The following GALNT13 variants were observed in gnomAD, a reference collection of about 807,000 sequenced individuals.
GALNT13 encodes polypeptide N-acetylgalactosaminyltransferase 13, also known as UDP-GalNAc:polypeptide N-acetylgalactosaminyltransferase 13.
Under a neutral mutation model 64.2 loss-of-function variants are expected in GALNT13, and 28 were observed. The observed-to-expected ratio is 0.44, with a 90% CI of 0.32 to 0.60. The LOEUF is 0.60. Among genes scored for constraint, GALNT13 ranks in the 20% least tolerant of loss-of-function variants. The pLI is 0.05. For synonymous variants in GALNT13, 214 were observed against 224.6 expected, an observed-to-expected ratio of 0.95 and a Z score of 0.42; for missense variants, 577 against 669.8, an observed-to-expected ratio of 0.86 and a Z score of 1.53.
At chr2:154,074,839 TA>T (rs1162101333) in intron 3 of GALNT13, among the ~76,000 whole-genome samples, 1 of 151,788 alleles carries the variant, frequency 6.6e-6, no homozygotes, top group East Asian at 1.9e-4. Context: ...AGTCCTTTGA[TA>T]AAATTCAACA....
intron 9 of GALNT13, among the ~76,000 whole-genome samples, chr2:154,349,924 C>G (rs1696296135): frequency 1.3e-5 from 2 of 152,168 alleles, no homozygotes; most frequent in South Asian, 4.1e-4. Flanking sequence ...GTGGAAGTAT[C>G]AGGAATCTAG....
At chr2:154,377,426 C>T (rs1004324149) in intron 9 of GALNT13, among the ~76,000 whole-genome samples, 10 of 152,000 alleles carry the variant, frequency 6.6e-5, no homozygotes, top group African/African-American at 1.9e-4. Context: ...AGAAGGCAGG[C>T]AGGTAGGAAG....
chr2:154,120,786 T>G (rs1379100224), intron 3 of GALNT13, among the ~76,000 whole-genome samples: 1 of 152,112 alleles, frequency 6.6e-6, no homozygotes, highest in Admixed American at 6.5e-5. Context: ...ACTAGGTCAG[T>G]TTTTTAAGTG....
At chr2:153,564,429 T>C in the GALNT13 span, among the ~76,000 whole-genome samples, 1 of 152,156 alleles carries the variant, frequency 6.6e-6, no homozygotes, top group East Asian at 1.9e-4. Flanking sequence ...AAAATTTTCA[T>C]TATGAATTTA....
At chr2:154,400,560 T>C (rs1203401686) in intron 10 of GALNT13, among the ~76,000 whole-genome samples, 1 of 152,224 alleles carries the variant, frequency 6.6e-6, no homozygotes, top group Non-Finnish European at 1.5e-5. Context: ...TCAATAGTTA[T>C]TGATATCAGA....
the GALNT13 span, among the ~76,000 whole-genome samples, chr2:153,540,426 G>T: frequency 3.3e-5 from 5 of 152,208 alleles, no homozygotes; most frequent in Non-Finnish European, 7.3e-5. Flanking sequence ...ACCTCTACTA[G>T]GGCAATGAAG....
At chr2:154,378,534 GT>G in intron 9 of GALNT13, among the ~76,000 whole-genome samples, 1 of 152,190 alleles carries the variant, frequency 6.6e-6, no homozygotes, top group African/African-American at 2.4e-5. Context: ...TTCTGCCTAT[GT>G]TTAACAATGC....
At chr2:153,679,374 G>T in the GALNT13 span, among the ~76,000 whole-genome samples, 1 of 152,046 alleles carries the variant, frequency 6.6e-6, no homozygotes, top group East Asian at 1.9e-4. Context: ...TTAATAAAGA[G>T]AATTCTGGAC....
chr2:154,247,916 A>G (rs1689866508), intron 7 of GALNT13, among the ~76,000 whole-genome samples: 3 of 152,012 alleles, frequency 2.0e-5, no homozygotes, highest in African/African-American at 7.2e-5. Flanking sequence ...CCTGCAGGTA[A>G]TTTTCATCAG....
the GALNT13 span, among the ~76,000 whole-genome samples, chr2:153,156,518 G>A: frequency 6.6e-6 from 1 of 152,120 alleles, no homozygotes; most frequent in Non-Finnish European, 1.5e-5. Flanking sequence ...CTGGGTGGAC[G>A]ATGAAAGTGC....
At chr2:154,084,035 G>T (rs190597079) in intron 3 of GALNT13, among the ~76,000 whole-genome samples, 2 of 151,780 alleles carry the variant, frequency 1.3e-5, no homozygotes, top group African/African-American at 2.4e-5. Context: ...ATCCACATAG[G>T]CTACCTCTGG....
At chr2:153,126,720 G>C in the GALNT13 span, among the ~76,000 whole-genome samples, 14 of 152,260 alleles carry the variant, frequency 9.2e-5, no homozygotes, top group African/African-American at 3.4e-4. Context: ...TTAGCATTTA[G>C]AACCTCTTGA....
chr2:154,032,190 G>GA (rs572506009), intron 3 of GALNT13, among the ~76,000 whole-genome samples: 1 of 151,578 alleles, frequency 6.6e-6, no homozygotes. Context: ...GCTGGTATTT[G>GA]AAAAAAGGCA....
At chr2:154,359,517 A>G (rs2105280702) in intron 9 of GALNT13, among the ~76,000 whole-genome samples, 1 of 152,220 alleles carries the variant, frequency 6.6e-6, no homozygotes, top group South Asian at 2.1e-4. Flanking sequence ...AATGTGGACA[A>G]CTACCTTAAG....
chr2:153,498,794 T>C, the GALNT13 span, among the ~76,000 whole-genome samples: 3 of 152,112 alleles, frequency 2.0e-5, no homozygotes, highest in Non-Finnish European at 1.5e-5. Flanking sequence ...GGGGTGTGTT[T>C]CAGCCCTGTT....
the GALNT13 span, among the ~76,000 whole-genome samples, chr2:153,389,760 C>T: frequency 1.3e-5 from 2 of 151,964 alleles, no homozygotes; most frequent in Non-Finnish European, 2.9e-5. Flanking sequence ...TTGGAGAGAG[C>T]GCTGGGCTAG....
chr2:153,907,783 C>G (rs1688678055), intron 2 of GALNT13, among the ~76,000 whole-genome samples: 1 of 151,898 alleles, frequency 6.6e-6, no homozygotes, highest in Admixed American at 6.6e-5. Flanking sequence ...GTATATGTGC[C>G]ACATTTTCTT....
At chr2:154,082,087 A>G (rs1701299549) in intron 3 of GALNT13, among the ~76,000 whole-genome samples, 1 of 151,794 alleles carries the variant, frequency 6.6e-6, no homozygotes, top group African/African-American at 2.4e-5. Context: ...TACAGTGTAA[A>G]TATAAAGAGA....
intron 1 of GALNT13, among the ~76,000 whole-genome samples, chr2:153,888,122 T>G (rs538670272): frequency 1.1e-3 from 163 of 152,138 alleles, no homozygotes; most frequent in Middle Eastern, 3.4e-3. Context: ...TTTTGAGCAC[T>G]GGTATTTTGT....
Sources: allele counts gnomAD v4.1 joint callset (sites outside exome capture counted in the v4.1 genomes callset), GRCh38; gene constraint gnomAD v4.1.1; transcripts MANE v1.5; gene names NCBI Gene and HGNC (gene_info 2026-07-23, HGNC 2026-07-21).